Variants in TRAPPC9 observed in about 807,000 individuals in gnomAD.
The protein encoded by TRAPPC9 is trafficking protein particle complex subunit 9, also known as IKK2 binding protein.
In TRAPPC9, 83 loss-of-function variants were observed where a neutral mutation model predicts 124.0. The ratio of observed to expected loss-of-function variants is 0.67; its 90% CI spans 0.56 to 0.80. The LOEUF is 0.80. Among genes scored for constraint, TRAPPC9 ranks in the 30% least tolerant of loss-of-function variants. The probability of loss-of-function intolerance (pLI) is 0.00; values close to 1 mark genes in which losing one functional copy is unlikely to be tolerated. For missense variants in TRAPPC9, 1,302 were observed against 1,508.3 expected (o/e 0.86, Z 2.27); for synonymous variants, 638 against 617.5 (o/e 1.03, Z -0.49).
At chr8:140,393,903 C>G (rs1428616923) in intron 7 of TRAPPC9, among the ~76,000 whole-genome samples, 1 of 152,174 alleles carries the variant, frequency 6.6e-6, no homozygotes, top group African/African-American at 2.4e-5. Flanking sequence ...CAACTCAAGC[C>G]AAGCGTCGTG....
chr8:140,258,328 AC>A, intron 15 of TRAPPC9, among the ~76,000 whole-genome samples: 1 of 152,370 alleles, frequency 6.6e-6, no homozygotes, highest in South Asian at 2.1e-4. Context: ...AATGGATTTG[AC>A]ATTTCACTCA....
chr8:139,799,045 G>A (rs1237822783), intron 21 of TRAPPC9, among the ~76,000 whole-genome samples: 4 of 152,104 alleles, frequency 2.6e-5, no homozygotes, highest in Non-Finnish European at 5.9e-5. Flanking sequence ...AAAAATGCAT[G>A]TGATGATGGT....
At chr8:140,392,694 C>T (rs1563994424) in intron 7 of TRAPPC9, among the ~76,000 whole-genome samples, 1 of 152,196 alleles carries the variant, frequency 6.6e-6, no homozygotes, top group Admixed American at 6.5e-5. Context: ...AGGCCCTTCG[C>T]CTCTGAAATT....
intron 9 of TRAPPC9, among the ~76,000 whole-genome samples, chr8:140,325,734 C>T (rs1257142761): frequency 6.6e-6 from 1 of 152,152 alleles, no homozygotes; most frequent in Non-Finnish European, 1.5e-5. Flanking sequence ...AACAAAGGAG[C>T]GAATACTTCC....
At chr8:140,046,347 G>C (rs916964842) in intron 17 of TRAPPC9, among the ~76,000 whole-genome samples, 1 of 152,286 alleles carries the variant, frequency 6.6e-6, no homozygotes, top group African/African-American at 2.4e-5. Context: ...GCCCAGTGTG[G>C]CTACAGCTCA....
intron 20 of TRAPPC9, among the ~76,000 whole-genome samples, chr8:139,897,948 C>G (rs1039501395): frequency 1.3e-5 from 2 of 152,246 alleles, no homozygotes; most frequent in African/African-American, 4.8e-5. Flanking sequence ...CCCTTGGACT[C>G]AGAAAGCCTT....
At chr8:140,397,858 A>G in intron 6 of TRAPPC9, 113 bp from the exon 7 acceptor site, 1 of 1,374,624 alleles carries the variant, frequency 7.3e-7, no homozygotes. Context: ...CCCCCATCAC[A>G]GGGCTCCAGA....
At position 140,074,879 on chromosome 8, in the gene TRAPPC9, G is replaced by T. The variant is rs199652569; in HGVS notation, c.2557-50800C>A. ...CACAGCAAGTAGCTGGGCCTCTGGT[G>T]CTGTTGATCGCCAGTGGTATGACCT... On this transcript the variant is annotated intron_variant, in intron 17 of 22. Transcript: ENST00000438773. 7.6e-4 allele frequency among the ~76,000 whole-genome samples: 116 copies of T among 152,330 alleles called. 1 individual carries two copies. Among genetic ancestry groups the T allele is most frequent in the African/African-American group, 2.7e-3 (111 of 41,578 alleles).
chr8:140,224,481 A>G (rs1766671492), intron 16 of TRAPPC9, among the ~76,000 whole-genome samples: 1 of 152,180 alleles, frequency 6.6e-6, no homozygotes, highest in Admixed American at 6.5e-5. Flanking sequence ...TCGATGTGAA[A>G]AACAGTGGTG....
At chr8:140,284,138 G>A (rs1025333707) in intron 13 of TRAPPC9, 117 bp from the exon 14 acceptor site, 4 of 1,402,404 alleles carry the variant, frequency 2.9e-6, no homozygotes, top group African/African-American at 2.8e-5. Flanking sequence ...TTCCGAAGCT[G>A]CCCGGGGCCC....
At chr8:140,262,616 T>C (rs2064462326) in intron 15 of TRAPPC9, 1 of 152,114 alleles carries the variant, frequency 6.6e-6, no homozygotes, top group African/African-American at 2.4e-5. Flanking sequence ...CTGTGGTTAG[T>C]CAACATGCAG....
rs181934164 is a variant in TRAPPC9 at position 140,033,654 on chromosome 8, T to C, written c.2557-9575A>G. Among the ~76,000 whole-genome samples the C allele has an allele frequency of 8.6e-3, 1,189 of 138,764 alleles. 20 individuals carry two copies. Among genetic ancestry groups the C allele is most frequent in the African/African-American group, 0.031 (1,126 of 36,826 alleles). The allele number at this position is 138,764 out of a possible 152,430, so 91.0% of individuals were successfully genotyped here. A position where few individuals can be genotyped will look rare whatever the true frequency, so the allele number is the denominator to read the frequency against. ...TGCATTGAAATGCAACTCTTCATAA[T>C]GTGGTTTTTTTTTTTTTTTTTTTTT... On this transcript the variant is annotated intron_variant, in intron 17 of 22. Transcript: ENST00000438773.
chr8:139,993,172 T>C (rs1837751184), intron 18 of TRAPPC9, among the ~76,000 whole-genome samples: 3 of 152,168 alleles, frequency 2.0e-5, no homozygotes, highest in Admixed American at 1.3e-4. Context: ...ACATATTAAA[T>C]TGACTAAGGA....
chr8:140,367,965 G>T (rs1340743464), intron 8 of TRAPPC9, among the ~76,000 whole-genome samples: 1 of 152,202 alleles, frequency 6.6e-6, no homozygotes, highest in Non-Finnish European at 1.5e-5. Flanking sequence ...AGAAATTAGA[G>T]AAAGGAAGGG....
Position 139,742,607 on chromosome 8 carries a change from G to A in TRAPPC9, c.3056-10405C>T, listed in dbSNP as rs1818639927. On this transcript the variant is annotated intron_variant, in intron 21 of 22. Coordinates refer to ENST00000438773, the MANE Select transcript of TRAPPC9 (RefSeq NM_001160372.4). The surrounding 1 kb of genome is among the most constrained non-coding windows in gnomAD (Gnocchi z 4.7). ...GGGCAAGCTATGGACCCAGAACACG[G>A]CCACGGGCAGAGGCAGGATGGACTC... is the stretch of plus-strand genomic sequence containing the variant. 6.6e-6 allele frequency among the ~76,000 whole-genome samples: 1 copy of A among 152,130 alleles called. No individual in the cohort carries two copies. Among genetic ancestry groups the A allele is most frequent in the African/African-American group, 2.4e-5 (1 of 41,418 alleles).
chr8:139,848,916 A>G (rs1827271908), intron 21 of TRAPPC9, among the ~76,000 whole-genome samples: 1 of 152,246 alleles, frequency 6.6e-6, no homozygotes, highest in South Asian at 2.1e-4. Context: ...AGATTTGCTC[A>G]GAATGCAGTG....
intron 20 of TRAPPC9, among the ~76,000 whole-genome samples, chr8:139,900,398 C>G (rs983110169): frequency 6.6e-6 from 1 of 152,316 alleles, no homozygotes; most frequent in African/African-American, 2.4e-5. Context: ...CACCACTGCA[C>G]CCTGCAGAGC....
At position 140,063,405 on chromosome 8, in the gene TRAPPC9, T is replaced by A. The variant is rs936523717; in HGVS notation, c.2557-39326A>T. On this transcript the variant is annotated intron_variant, in intron 17 of 22. Transcript: ENST00000438773. This position sits in a 1 kb window ranked among gnomAD's most constrained non-coding sequence, Gnocchi z 4.3. ...ACACGGTACTCACTTTGAGAAATAATCCTACGGCCATCTTGTTCTTAGAGC... is the reference window on the plus strand; with the variant it reads ...ACACGGTACTCACTTTGAGAAATAAACCTACGGCCATCTTGTTCTTAGAGC... Among the ~76,000 whole-genome samples the A allele has an allele frequency of 2.0e-5, 3 of 152,152 alleles. No homozygotes were observed. The highest frequency in any genetic ancestry group is 7.2e-5 in the African/African-American group (3 of 41,438).
intron 9 of TRAPPC9, among the ~76,000 whole-genome samples, chr8:140,350,659 G>A (rs1428033375): frequency 6.6e-6 from 1 of 152,116 alleles, no homozygotes; most frequent in Non-Finnish European, 1.5e-5. Flanking sequence ...CACTGGAGGT[G>A]AGCCCTCATG....
Sources: gnomAD v4.1 joint callset for allele counts (sites outside exome capture counted in the v4.1 genomes callset) on GRCh38, gnomAD v4.1.1 for gene constraint, Gnocchi (gnomAD v3.1) non-coding constraint, MANE v1.5 for transcripts, NCBI Gene and HGNC (gene_info 2026-07-23, HGNC 2026-07-21) for gene names.